The following EYS variants were observed in gnomAD, a reference collection of about 807,000 sequenced individuals.
EYS encodes EGF-like photoreceptor maintenance factor, also known as protein eyes shut homolog.
A neutral mutation model predicts 282.1 loss-of-function variants in EYS; 250 were observed. The observed-to-expected ratio is 0.89, with a 90% CI of 0.80 to 0.98. EYS has a LOEUF of 0.98. EYS is among the 50% of genes least tolerant of loss of function. The pLI is 0.00. For synonymous variants in EYS, 1,355 were observed against 1,282.9 expected, an observed-to-expected ratio of 1.06 and a Z score of -1.20; for missense variants, 4,016 against 3,709.0, an observed-to-expected ratio of 1.08 and a Z score of -2.15.
intron 7 of EYS, among the ~76,000 whole-genome samples, chr6:65,398,397 G>T (rs1288020275): frequency 2.0e-5 from 3 of 151,864 alleles, no homozygotes; most frequent in African/African-American, 7.3e-5. Context: ...TCAATAAATA[G>T]TGCTGGGAAA....
intron 36 of EYS, among the ~76,000 whole-genome samples, chr6:63,808,440 G>A (rs138356218): frequency 4.5e-4 from 69 of 152,298 alleles, no homozygotes; most frequent in African/African-American, 1.6e-3. Flanking sequence ...TTATTCTGTT[G>A]ATGAAGTGTG....
intron 7 of EYS, among the ~76,000 whole-genome samples, chr6:65,388,376 G>A (rs1765879310): frequency 6.6e-6 from 1 of 151,902 alleles, no homozygotes; most frequent in Non-Finnish European, 1.5e-5. Flanking sequence ...AGGGAGAGGT[G>A]CTATATAATT....
chr6:64,094,767 G>C (rs1482256045), intron 31 of EYS, among the ~76,000 whole-genome samples: 1 of 152,036 alleles, frequency 6.6e-6, no homozygotes, highest in African/African-American at 2.4e-5. Flanking sequence ...GTTCTGCTCT[G>C]ATCTCAGTTA....
At chr6:65,341,980 C>T (rs1264532423) in intron 10 of EYS, among the ~76,000 whole-genome samples, 1 of 151,186 alleles carries the variant, frequency 6.6e-6, no homozygotes, top group African/African-American at 2.4e-5. Flanking sequence ...TACATGATTT[C>T]TCTTCCCAAA....
chr6:65,225,444 G>A (rs1036633879), intron 12 of EYS, among the ~76,000 whole-genome samples: 2 of 151,850 alleles, frequency 1.3e-5, no homozygotes, highest in Non-Finnish European at 2.9e-5. Flanking sequence ...GGCTGGGCAC[G>A]GTGGCTCACG....
chr6:64,677,467 T>C (rs955341738), intron 22 of EYS, among the ~76,000 whole-genome samples: 2 of 152,204 alleles, frequency 1.3e-5, no homozygotes, highest in Admixed American at 1.3e-4. Flanking sequence ...TTAGCCACTT[T>C]CGGTAAGCAT....
intron 10 of EYS, among the ~76,000 whole-genome samples, chr6:65,335,979 G>T (rs1361549627): frequency 6.6e-6 from 1 of 151,612 alleles, no homozygotes; most frequent in Non-Finnish European, 1.5e-5. Context: ...CCTGAGATCT[G>T]GTTGTGTAAA....
At chr6:65,176,182 A>C (rs1212211288) in intron 12 of EYS, among the ~76,000 whole-genome samples, 3 of 151,566 alleles carry the variant, frequency 2.0e-5, no homozygotes, top group Admixed American at 1.3e-4. Flanking sequence ...TTAGATTTTC[A>C]GAAATTATTC....
At chr6:65,561,490 T>G (rs1458436267) in intron 2 of EYS, among the ~76,000 whole-genome samples, 1 of 152,146 alleles carries the variant, frequency 6.6e-6, no homozygotes, top group East Asian at 1.9e-4. Context: ...CTTACATTTT[T>G]TGTTGACCTA....
At chr6:64,776,007 C>T (rs564860067) in intron 22 of EYS, among the ~76,000 whole-genome samples, 2 of 152,098 alleles carry the variant, frequency 1.3e-5, no homozygotes, top group African/African-American at 2.4e-5. Context: ...AATGTATCAG[C>T]CAAACAGGAC....
intron 11 of EYS, among the ~76,000 whole-genome samples, chr6:65,334,337 T>A (rs569731534): frequency 5.3e-5 from 8 of 151,660 alleles, no homozygotes; most frequent in Non-Finnish European, 1.0e-4. Context: ...TCATAGCTCA[T>A]TGAAGCTTCT....
chr6:64,444,672 G>C (rs1029938387), intron 26 of EYS, among the ~76,000 whole-genome samples: 3 of 152,232 alleles, frequency 2.0e-5, no homozygotes, highest in African/African-American at 7.2e-5. Flanking sequence ...CTATAGCTTG[G>C]ATGTTTGTCC....
intron 22 of EYS, among the ~76,000 whole-genome samples, chr6:64,651,935 T>C (rs1768575878): frequency 6.6e-6 from 1 of 152,224 alleles, no homozygotes; most frequent in African/African-American, 2.4e-5. Flanking sequence ...TATTGTTTAA[T>C]GTTGAGATAA....
chr6:63,823,411 C>T (rs1295245493), intron 36 of EYS, among the ~76,000 whole-genome samples: 1 of 152,086 alleles, frequency 6.6e-6, no homozygotes, highest in Non-Finnish European at 1.5e-5. Flanking sequence ...TTTGAAGATG[C>T]TAACGTAGCA....
At chr6:65,457,088 T>C (rs1469986538) in intron 5 of EYS, among the ~76,000 whole-genome samples, 3 of 152,300 alleles carry the variant, frequency 2.0e-5, no homozygotes, top group East Asian at 1.9e-4. Context: ...CACTTAAAGA[T>C]GGAAGCAATT....
intron 22 of EYS, among the ~76,000 whole-genome samples, chr6:64,641,791 C>G (rs1337792504): frequency 6.6e-6 from 1 of 152,106 alleles, no homozygotes; most frequent in Non-Finnish European, 1.5e-5. Context: ...GCACCAGCAG[C>G]CACACTGAAT....
At position 65,124,757 on chromosome 6, in the gene EYS, T is replaced by A. The variant is rs1301875479; in HGVS notation, c.2024-67030A>T. 3.3e-5 allele frequency among the ~76,000 whole-genome samples: 5 copies of A among 152,306 alleles called. No individual in the cohort carries two copies. The East Asian group carries it at 9.7e-4, about 29-fold the overall frequency. ...CCTAGAACTTAATTGTTCATCTAAATGCTCTGTGAAGTGTTTGAATAGGTG... is the reference window on the plus strand; with the variant it reads ...CCTAGAACTTAATTGTTCATCTAAAAGCTCTGTGAAGTGTTTGAATAGGTG... On this transcript the variant is annotated intron_variant, in intron 12 of 42. Transcript: ENST00000503581.
At chr6:65,429,356 C>T (rs2150382775) in intron 5 of EYS, among the ~76,000 whole-genome samples, 1 of 152,224 alleles carries the variant, frequency 6.6e-6, no homozygotes, top group Middle Eastern at 3.4e-3. Context: ...TGGGATTCTT[C>T]CACTTGGATA....
intron 12 of EYS, among the ~76,000 whole-genome samples, chr6:65,288,444 C>A (rs1768431194): frequency 1.3e-5 from 2 of 150,156 alleles, no homozygotes; most frequent in African/African-American, 4.9e-5. Context: ...TAGATACAAA[C>A]AAACACATAT....
Sources: gnomAD v4.1 joint callset for allele counts (sites outside exome capture counted in the v4.1 genomes callset) on GRCh38, gnomAD v4.1.1 for gene constraint, MANE v1.5 for transcripts, NCBI Gene and HGNC (gene_info 2026-07-23, HGNC 2026-07-21) for gene names.